Variants in PARVG observed in about 807,000 individuals in gnomAD.
PARVG encodes the protein parvin gamma, also known as gamma-parvin.
PARVG carries 36 observed loss-of-function variants against 44.4 expected under a neutral mutation model. That is an observed-to-expected ratio of 0.81 (90% CI 0.62 to 1.07). The LOEUF (loss-of-function observed/expected upper bound fraction) is 1.07. Ranked by LOEUF, PARVG falls within the 50% of genes least tolerant of loss-of-function variation. The pLI is 0.00. For synonymous variants in PARVG, 170 were observed against 174.1 expected, an observed-to-expected ratio of 0.98 and a Z score of 0.19; for missense variants, 407 against 407.4, an observed-to-expected ratio of 1.00 and a Z score of 0.01.
intron 11 of PARVG, among the ~76,000 whole-genome samples, chr22:44,197,881 A>G (rs972012326): frequency 2.0e-5 from 3 of 152,208 alleles, no homozygotes; most frequent in Non-Finnish European, 2.9e-5. Context: ...TGAGATTTAC[A>G]TTCTACCTGT....
upstream of PARVG, chr22:44,180,922 T>G: frequency 5.1e-6 from 5 of 985,404 alleles, no homozygotes; most frequent in Non-Finnish European, 6.0e-6. Context: ...TGGTGAAGAT[T>G]CCAGCTTGAG....
chr22:44,199,831 T>C (rs1407803585), intron 12 of PARVG, among the ~76,000 whole-genome samples: 3 of 152,028 alleles, frequency 2.0e-5, no homozygotes, highest in African/African-American at 7.3e-5. Context: ...GAGGTGTAGG[T>C]GCTTCACTCT....
chr22:44,206,565 C>G lies in PARVG; in HGVS notation c.*139C>G. On this transcript the variant is annotated 3_prime_UTR_variant, in exon 14 of 14. Transcript: ENST00000444313. ...CTCCCACCCTGTCTCCTGTCTCCAT[C>G]GTTGGATTATCTTTGAACCCCCTTG... 1.4e-6 allele frequency: 1 copy of G among 733,398 alleles called. No homozygotes were observed. Among genetic ancestry groups the G allele is most frequent in the Non-Finnish European group, 2.4e-6 (1 of 423,924 alleles). The allele number at this position is 733,398 out of a possible 1,614,324, so 45.4% of individuals were successfully genotyped here.
chr22:44,177,150 T>C (rs572586420), upstream of PARVG, among the ~76,000 whole-genome samples: 26 of 152,310 alleles, frequency 1.7e-4, no homozygotes, highest in Admixed American at 2.0e-4. Flanking sequence ...TTCACTCTCT[T>C]TCTGTCCCTG....
intron 9 of PARVG, among the ~76,000 whole-genome samples, chr22:44,194,362 A>T (rs1375390933): frequency 1.3e-5 from 2 of 152,122 alleles, no homozygotes. Context: ...TACTTCTTTC[A>T]TGCATCCATT....
At chr22:44,173,849 G>A (rs912276887) in intron 1 of PARVG, among the ~76,000 whole-genome samples, 1 of 152,136 alleles carries the variant, frequency 6.6e-6, no homozygotes. Flanking sequence ...GCACGGGACA[G>A]GCTCCCTTCT....
chr22:44,189,749 T>C (rs2054523085), intron 6 of PARVG, among the ~76,000 whole-genome samples: 1 of 152,110 alleles, frequency 6.6e-6, no homozygotes, highest in Non-Finnish European at 1.5e-5. Flanking sequence ...AAACCCCATC[T>C]CTACTAAAAA....
chr22:44,203,089 T>A (rs1003452179), intron 12 of PARVG, among the ~76,000 whole-genome samples: 1 of 152,160 alleles, frequency 6.6e-6, no homozygotes, highest in Admixed American at 6.5e-5. Flanking sequence ...TGGGGGATGA[T>A]CTTTTGTTCA....
chr22:44,172,996 G>T (rs1217386697), exon 1 of PARVG: 1 of 1,289,674 alleles, frequency 7.8e-7, no homozygotes. Flanking sequence ...GCATTTAGCA[G>T]TCATGGATGG....
rs115342154 is a variant in PARVG at position 44,187,899 on chromosome 22, C to T, written c.247+21C>T. Reference sequence around the variant, plus strand: ...ATTCCGTAAGTGGCTGTTTCTGGGGCTGCCTGGGCCTCGGCCCCATCCCCC... The same window carrying T: ...ATTCCGTAAGTGGCTGTTTCTGGGGTTGCCTGGGCCTCGGCCCCATCCCCC... On this transcript the variant is annotated intron_variant, in intron 5 of 13. Coordinates refer to ENST00000444313, the MANE Select transcript of PARVG (RefSeq NM_022141.7). 1,286 of 1,613,214 alleles carry T rather than the reference C, an allele frequency of 8.0e-4. 10 individuals carry two copies. In the African/African-American group the frequency reaches 0.016, roughly 19 times the overall value.
chr22:44,178,029 A>T (rs12158164), upstream of PARVG, among the ~76,000 whole-genome samples: 2 of 152,174 alleles, frequency 1.3e-5, no homozygotes, highest in African/African-American at 4.8e-5. Flanking sequence ...CACAGGAAAC[A>T]GTTACTTCAG....
intron 9 of PARVG, among the ~76,000 whole-genome samples, chr22:44,195,417 G>A (rs2054605045): frequency 6.6e-6 from 1 of 152,242 alleles, no homozygotes; most frequent in South Asian, 2.1e-4. Context: ...AGCAAACTCA[G>A]GCCAGTCTGT....
rs2147227563 is a variant in PARVG, at chr22:44,190,676, T to G, written c.504+10T>G. 6.3e-7 allele frequency: 1 copy of G among 1,597,622 alleles called. No individual in the cohort carries two copies. The highest frequency in any genetic ancestry group is 8.6e-7 in the Non-Finnish European group (1 of 1,164,852). On this transcript the variant is annotated intron_variant, in intron 7 of 13. Transcript: ENST00000444313. ...GGTCATCACTATCGAGGTAGCAGCC[T>G]GGGCCCCAGGGATTTGTAAGCAGAA...
upstream of PARVG, among the ~76,000 whole-genome samples, chr22:44,177,804 C>T (rs184669617): frequency 1.2e-3 from 190 of 152,132 alleles, 2 homozygotes; most frequent in African/African-American, 3.9e-3. Context: ...AGTTCAAAGC[C>T]GCAGTGAGCC....
chr22:44,183,753 A>G (rs1192186134), intron 3 of PARVG: 1 of 402,454 alleles, frequency 2.5e-6, no homozygotes, highest in Non-Finnish European at 4.4e-6. Context: ...TGCTTTATAC[A>G]GATGAGGAAA....
Position 44,190,541 on chromosome 22 carries a change from C to A in PARVG, c.389-10C>A. ...TCCTGGGCTCTGACCTGTCTCCACTCTCTTCCCAGGCATCTTCAACAAGGA... is the reference window on the plus strand; with the variant it reads ...TCCTGGGCTCTGACCTGTCTCCACTATCTTCCCAGGCATCTTCAACAAGGA... On this transcript the variant is annotated splice_polypyrimidine_tract_variant and intron_variant, in intron 6 of 13. Coordinates refer to ENST00000444313, the MANE Select transcript of PARVG (RefSeq NM_022141.7). 6.2e-7 allele frequency: 1 copy of A among 1,610,568 alleles called. No individual in the cohort carries two copies. Among genetic ancestry groups the A allele is most frequent in the Non-Finnish European group, 8.5e-7 (1 of 1,176,708 alleles).
intron 12 of PARVG, among the ~76,000 whole-genome samples, chr22:44,202,819 A>G (rs1450518199): frequency 6.6e-6 from 1 of 152,216 alleles, no homozygotes; most frequent in Admixed American, 6.5e-5. Flanking sequence ...ATAGTTATTC[A>G]TTGTGGGCAC....
At position 44,194,280 on chromosome 22, in the gene PARVG, G is replaced by A. The variant is rs142095921; in HGVS notation, c.583+457G>A. Among the ~76,000 whole-genome samples the A allele has an allele frequency of 5.1e-4, 77 of 152,338 alleles. 1 individual carries two copies. Among genetic ancestry groups the A allele is most frequent in the African/African-American group, 1.8e-3 (76 of 41,568 alleles). ...TTCAGCATGTGGGCAGTGCTCAATAGTGAGTGGGCAATAATGTGGCTTCTG... is the reference window on the plus strand; with the variant it reads ...TTCAGCATGTGGGCAGTGCTCAATAATGAGTGGGCAATAATGTGGCTTCTG... On this transcript the variant is annotated intron_variant, in intron 9 of 13. Coordinates refer to ENST00000444313, the MANE Select transcript of PARVG (RefSeq NM_022141.7).
chr22:44,205,822 C>T lies in PARVG; in HGVS notation c.879C>T (p.Ser293=), dbSNP rs148071426. ...KDEGLLSCPV[S]PEDIVNKDAK... is the part of the protein sequence containing the mutation. ...AGGGCCTGCTCAGCTGCCCTGTCAGCCCTGAAGGTGAGTGCAAGGCAGATG... is the reference window on the plus strand; with the variant it reads ...AGGGCCTGCTCAGCTGCCCTGTCAGTCCTGAAGGTGAGTGCAAGGCAGATG... The change falls in exon 13 of 14, where the codon AGC becomes AGT. Residue 293 remains serine (S), a synonymous_variant. Coordinates refer to ENST00000444313, the MANE Select transcript of PARVG (RefSeq NM_022141.7). 318 of 1,613,036 alleles carry T rather than the reference C, an allele frequency of 2.0e-4. No individual in the cohort carries two copies. Among genetic ancestry groups the T allele is most frequent in the Non-Finnish European group, 2.6e-4 (303 of 1,179,922 alleles).
Sources: gnomAD v4.1 joint callset for allele counts (sites outside exome capture counted in the v4.1 genomes callset) on GRCh38, gnomAD v4.1.1 for gene constraint, MANE v1.5 for transcripts, NCBI Gene and HGNC (gene_info 2026-07-23, HGNC 2026-07-21) for gene names.